CCNB3: variants seen among roughly 807,000 people sequenced by gnomAD.
CCNB3 encodes the protein G2/mitotic-specific cyclin-B3.
Under a neutral mutation model 68.0 loss-of-function variants are expected in CCNB3, and 12 were observed. The observed-to-expected ratio is 0.18, with a 90% CI of 0.11 to 0.29. The LOEUF is 0.29. Ranked by LOEUF, CCNB3 falls within the 10% of genes least tolerant of loss-of-function variation. The pLI is 1.00. For synonymous variants in CCNB3, 354 were observed against 388.9 expected, an observed-to-expected ratio of 0.91 and a Z score of 1.06; for missense variants, 904 against 993.1, an observed-to-expected ratio of 0.91 and a Z score of 1.21.
At position 50,311,077 on chromosome X, in the gene CCNB3, C is replaced by A; in HGVS notation, c.2908C>A (p.Gln970Lys). ...DTFLKTLLVP[Q>K]VGTSPNVSST... is the part of the protein sequence containing the mutation. ...CTTTCTCAAAACATTGTTGGTCCCC[C>A]AAGTTGGAACCAGCCCAAATGTGTC... Residue 970 changes from glutamine to lysine, a missense_variant, in exon 6 of 13, where the codon CAA becomes AAA. By Grantham distance (53) the Gln-to-Lys change is moderately conservative (BLOSUM62 1). Coordinates refer to ENST00000376042, the MANE Select transcript of CCNB3 (RefSeq NM_033031.3). 1 of 1,209,959 alleles carries A rather than the reference C, an allele frequency of 8.3e-7. No individual in the cohort carries two copies. The highest frequency in any genetic ancestry group is 1.1e-6 in the Non-Finnish European group (1 of 895,147).
chrX:50,346,631 T>C (rs190873384), intron 9 of CCNB3, 21 bp from the exon 10 acceptor site: 27 of 1,194,472 alleles, frequency 2.3e-5, no homozygotes, highest in African/African-American at 5.3e-5. Context: ...GGTTGTCACC[T>C]CCTCTCCTCT....
Position 50,294,914 on chromosome X carries a change from G to A in CCNB3, c.256G>A (p.Val86Ile). 1 of 1,209,456 alleles carries A rather than the reference G, an allele frequency of 8.3e-7. No individual in the cohort carries two copies. Residue 86 changes from valine to isoleucine, a missense_variant, in exon 5 of 13, where the codon GTA becomes ATA. Val to Ile is a conservative substitution (Grantham distance 29, BLOSUM62 3). Coordinates refer to ENST00000376042, the MANE Select transcript of CCNB3 (RefSeq NM_033031.3). ...CAAGAAAGAAGCCAATAAAGAGTTT[G>A]TAAAAGTTGTTTCCAAGAAGATAAA... ...QPKKEANKEF[V>I]KVVSKKINRN...
At chrX:50,314,333 A>T (rs1371456036) in intron 8 of CCNB3, among the ~76,000 whole-genome samples, 1 of 111,631 alleles carries the variant, frequency 9.0e-6, no homozygotes, top group Non-Finnish European at 1.9e-5. Flanking sequence ...AATAGGAAGG[A>T]CAGTGTGGCA....
At chrX:50,227,602 GAATA>G (rs1359555257) in intron 1 of CCNB3, among the ~76,000 whole-genome samples, 8 of 82,066 alleles carry the variant, frequency 9.7e-5, no homozygotes, top group African/African-American at 3.6e-4. Flanking sequence ...TATATACAGA[GAATA>G]TATATATAAA....
Position 50,314,245 on chromosome X carries a change from T to G in CCNB3, c.3516+297T>G, listed in dbSNP as rs149496612. Among the ~76,000 whole-genome samples the G allele has an allele frequency of 5.7e-4, 64 of 112,254 alleles. No individual in the cohort carries two copies. The East Asian group carries it at 0.018, about 31-fold the overall frequency. ...GACGGTATGGTCGTTTTATCATTCT[T>G]AAAGTCTTGTAAAAGTATATCTAGT... On this transcript the variant is annotated intron_variant, in intron 8 of 12. Coordinates refer to ENST00000376042, the MANE Select transcript of CCNB3 (RefSeq NM_033031.3).
intron 8 of CCNB3, among the ~76,000 whole-genome samples, chrX:50,328,999 A>G (rs1557217687): frequency 2.7e-5 from 3 of 112,812 alleles, no homozygotes; most frequent in Non-Finnish European, 3.8e-5. Context: ...CGTGTTCCAC[A>G]TGCAGGGCAC....
intron 8 of CCNB3, among the ~76,000 whole-genome samples, chrX:50,318,764 ACT>A (rs1921871677): frequency 9.0e-6 from 1 of 111,467 alleles, no homozygotes; most frequent in Non-Finnish European, 1.9e-5. Context: ...CAGTCCCCAC[ACT>A]GATATAAAAC....
At chrX:50,220,894 G>T (rs1398433714) in intron 1 of CCNB3, among the ~76,000 whole-genome samples, 1 of 111,263 alleles carries the variant, frequency 9.0e-6, no homozygotes, top group Non-Finnish European at 1.9e-5. Flanking sequence ...TTGTGAATCC[G>T]TCTGGTCCTG....
chrX:50,300,265 C>G (rs1936596484), intron 5 of CCNB3, among the ~76,000 whole-genome samples: 1 of 111,646 alleles, frequency 9.0e-6, no homozygotes, highest in Admixed American at 9.5e-5. Context: ...TTTGCAGTGG[C>G]TGGTACCGGT....
At chrX:50,349,745 C>G (rs1182738357) in intron 11 of CCNB3, among the ~76,000 whole-genome samples, 5 of 112,082 alleles carry the variant, frequency 4.5e-5, no homozygotes, top group Non-Finnish European at 9.4e-5. Context: ...AGAATTCTCT[C>G]AGGGACCATG....
At chrX:50,222,959 C>T (rs1202679451) in intron 1 of CCNB3, among the ~76,000 whole-genome samples, 6 of 110,777 alleles carry the variant, frequency 5.4e-5, no homozygotes, top group Admixed American at 9.7e-5. Flanking sequence ...AGGCTTTGTT[C>T]GTTCCTTTTC....
intron 8 of CCNB3, among the ~76,000 whole-genome samples, chrX:50,336,714 A>C (rs1922871842): frequency 9.0e-6 from 1 of 111,016 alleles, no homozygotes; most frequent in Non-Finnish European, 1.9e-5. Flanking sequence ...CCTTCTATCC[A>C]TGCCGCATGG....
At position 50,301,402 on chromosome X, in the gene CCNB3, CA is replaced by C. The variant is rs782636408; in HGVS notation, c.335+6410del. Among the ~76,000 whole-genome samples, 5 of 112,233 alleles carry C rather than the reference CA, an allele frequency of 4.5e-5. No homozygotes were observed. The East Asian group carries it at 1.4e-3, about 32-fold the overall frequency. ...GTTGGAGTTTGCTGGAGGTCCACTC[CA>C]GACCCTGTTTGCCTGGGTATCAGCA... On this transcript the variant is annotated intron_variant, in intron 5 of 12. Transcript: ENST00000376042.
chrX:50,299,262 G>A lies in CCNB3; in HGVS notation c.335+4269G>A, dbSNP rs1474873472. ...TTAGATCTTTCCTGCTTTCTCTTGC[G>A]GGCATTTAGTGCTATAAATTTCCCT... On this transcript the variant is annotated intron_variant, in intron 5 of 12. Coordinates refer to ENST00000376042, the MANE Select transcript of CCNB3 (RefSeq NM_033031.3). Among the ~76,000 whole-genome samples, 7 of 110,271 alleles carry A rather than the reference G, an allele frequency of 6.3e-5. No individual in the cohort carries two copies. The South Asian group carries it at 1.2e-3, about 19-fold the overall frequency.
chrX:50,311,260 T>C lies in CCNB3; in HGVS notation c.3091T>C (p.Leu1031=), dbSNP rs782573119. 1 of 1,208,774 alleles carries C rather than the reference T, an allele frequency of 8.3e-7. No individual in the cohort carries two copies. The part of the protein sequence containing the change: ...TGKELSFKEP[L]ALQESPTCKE... ...GAAGGAGTTGTCCTTCAAGGAGCCATTGGCCTTACAAGAGAGTCCCACCTG... is the reference window on the plus strand; with the variant it reads ...GAAGGAGTTGTCCTTCAAGGAGCCACTGGCCTTACAAGAGAGTCCCACCTG... The change falls in exon 6 of 13, where the codon TTG becomes CTG. Residue 1031 remains leucine, a synonymous_variant. Coordinates refer to ENST00000376042, the MANE Select transcript of CCNB3 (RefSeq NM_033031.3).
At chrX:50,218,215 T>A (rs1285343385) in intron 1 of CCNB3, among the ~76,000 whole-genome samples, 4 of 112,072 alleles carry the variant, frequency 3.6e-5, no homozygotes, top group Non-Finnish European at 7.5e-5. Flanking sequence ...GTATTTCTTT[T>A]CTAATTGTTC....
At chrX:50,294,806 TC>T in intron 4 of CCNB3, 56 bp from the exon 5 acceptor site, 1 of 1,146,297 alleles carries the variant, frequency 8.7e-7, no homozygotes, top group Non-Finnish European at 1.2e-6. Flanking sequence ...TTTGTGGTTT[TC>T]TTCATTTTCT....
chrX:50,214,474 C>CAATATATATATATATA (rs1935530522), intron 1 of CCNB3, among the ~76,000 whole-genome samples: 1 of 1,915 alleles, frequency 5.2e-4, no homozygotes, highest in East Asian at 0.021. Context: ...TAGCTGTGGC[C>CAATATATATATATATA]CATATATATA....
At chrX:50,311,569 T>C in intron 6 of CCNB3, 73 bp downstream of exon 6, 1 of 811,301 alleles carries the variant, frequency 1.2e-6, no homozygotes, top group Non-Finnish European at 1.7e-6. Flanking sequence ...CTAGCAAAGT[T>C]GTTTTTTTTT....
Sources: allele counts gnomAD v4.1 joint callset (sites outside exome capture counted in the v4.1 genomes callset), GRCh38; gene constraint gnomAD v4.1.1; transcripts MANE v1.5; gene names NCBI Gene and HGNC (gene_info 2026-07-23, HGNC 2026-07-21).